Variants in ZDBF2 observed in about 807,000 individuals in gnomAD.
ZDBF2 encodes the protein DBF4-type zinc finger-containing protein 2.
ZDBF2 carries 6 observed loss-of-function variants against 9.4 expected under a neutral mutation model. The observed-to-expected ratio is 0.64, with a 90% CI of 0.35 to 1.27. The LOEUF (loss-of-function observed/expected upper bound fraction) is 1.27. Among genes scored for constraint, ZDBF2 ranks in the 50% most tolerant of loss-of-function variants. The probability of loss-of-function intolerance (pLI) is 0.03; values close to 1 mark genes in which losing one functional copy is unlikely to be tolerated. For synonymous variants in ZDBF2, 905 were observed against 946.3 expected, an observed-to-expected ratio of 0.96 and a Z score of 0.80; for missense variants, 2,697 against 2,766.8, an observed-to-expected ratio of 0.97 and a Z score of 0.57.
chr2:206,282,552 A>T (rs1232301319), intron 3 of ZDBF2, among the ~76,000 whole-genome samples: 1 of 152,154 alleles, frequency 6.6e-6, no homozygotes, highest in African/African-American at 2.4e-5. Flanking sequence ...TCTTTAAGAC[A>T]TTGTAGGCTA....
intron 3 of ZDBF2, among the ~76,000 whole-genome samples, chr2:206,288,854 T>TGGCAACTTAGGTCTCAGG (rs2105913221): frequency 6.6e-6 from 1 of 152,176 alleles, no homozygotes; most frequent in South Asian, 2.1e-4. Context: ...CAGAGCTCAG[T>TGGCAACTTAGGTCTCAGG]GGCAACTTAG....
chr2:206,295,534 T>C (rs539235660), intron 3 of ZDBF2, among the ~76,000 whole-genome samples: 1 of 151,862 alleles, frequency 6.6e-6, no homozygotes, highest in South Asian at 2.1e-4. Context: ...GCCTGGGTAA[T>C]TTTTATTTTT....
chr2:206,291,329 A>G (rs1691886444), intron 3 of ZDBF2, among the ~76,000 whole-genome samples: 1 of 152,142 alleles, frequency 6.6e-6, no homozygotes, highest in Admixed American at 6.5e-5. Flanking sequence ...AATAGAGTTT[A>G]CGCTCCTATG....
chr2:206,303,337 G>A (rs1374677001), intron 4 of ZDBF2, among the ~76,000 whole-genome samples: 1 of 151,592 alleles, frequency 6.6e-6, no homozygotes, highest in Non-Finnish European at 1.5e-5. Context: ...TCTTTAAAAG[G>A]CAGCTTAACT....
At position 206,306,667 on chromosome 2, in the gene ZDBF2, T is replaced by G. The variant is rs766504470; in HGVS notation, c.2139T>G (p.Ser713=). ...CTCTGAGTTCTGATTCTCCGGCTTC[T>G]CTTTATCATTCAGCTCATGATGAGC... The part of the protein sequence containing the change: ...RSSLSSDSPA[S]LYHSAHDEPQ... The change falls in exon 5 of 5, where the codon TCT becomes TCG. Residue 713 remains serine (S), a synonymous_variant. Coordinates refer to ENST00000374423, the MANE Select transcript of ZDBF2 (RefSeq NM_020923.3). 219 of 1,613,742 alleles carry G rather than the reference T, an allele frequency of 1.4e-4. No individual in the cohort carries two copies. The highest frequency in any genetic ancestry group is 1.8e-4 in the Non-Finnish European group (211 of 1,179,816).
chr2:206,300,043 A>G (rs1692419321), intron 4 of ZDBF2, among the ~76,000 whole-genome samples: 1 of 151,974 alleles, frequency 6.6e-6, no homozygotes. Flanking sequence ...CTGGAGGCGG[A>G]GGTTGCGGTG....
intron 2 of ZDBF2, among the ~76,000 whole-genome samples, chr2:206,281,161 G>A (rs564997432): frequency 6.6e-6 from 1 of 152,214 alleles, no homozygotes; most frequent in African/African-American, 2.4e-5. Flanking sequence ...AGTGGAAACT[G>A]GAAAACTATT....
rs1179190038 is a variant in ZDBF2 at position 206,311,207 on chromosome 2, A to C, written c.6679A>C (p.Ile2227Leu). 1 of 1,612,370 alleles carries C rather than the reference A, an allele frequency of 6.2e-7. No individual in the cohort carries two copies. The highest frequency in any genetic ancestry group is 8.5e-7 in the Non-Finnish European group (1 of 1,179,452). ...ACCAAGTGATATCATTAGAAAGTAT[A>C]TTTCGAAATACTCTGTCTTTTTACG... ...TKPSDIIRKY[I>L]SKYSVFLRHR... The change falls in exon 5 of 5, where the codon ATT becomes CTT. Residue 2227 changes from isoleucine to leucine, a missense_variant. Transcript: ENST00000374423.
At chr2:206,289,042 T>G (rs375086886) in intron 3 of ZDBF2, among the ~76,000 whole-genome samples, 52 of 152,260 alleles carry the variant, frequency 3.4e-4, no homozygotes, top group African/African-American at 1.2e-3. Flanking sequence ...GGGTCTAGTC[T>G]GGTCTAGGAA....
At chr2:206,297,441 C>T (rs1007785581) in intron 4 of ZDBF2, 68 bp downstream of exon 4, 2 of 1,345,184 alleles carry the variant, frequency 1.5e-6, no homozygotes, top group African/African-American at 1.5e-5. Context: ...GTGTTCATGT[C>T]CCAATCAATA....
At chr2:206,293,307 A>G (rs1691994279) in intron 3 of ZDBF2, among the ~76,000 whole-genome samples, 1 of 152,178 alleles carries the variant, frequency 6.6e-6, no homozygotes, top group Non-Finnish European at 1.5e-5. Context: ...AAAATCAGTT[A>G]GAAGTAGACT....
At chr2:206,293,769 A>G (rs1240964359) in intron 3 of ZDBF2, among the ~76,000 whole-genome samples, 1 of 152,210 alleles carries the variant, frequency 6.6e-6, no homozygotes, top group Non-Finnish European at 1.5e-5. Context: ...AAGTGTTGAT[A>G]AGGAGATAGG....
At chr2:206,302,118 C>T (rs1161117248) in intron 4 of ZDBF2, among the ~76,000 whole-genome samples, 1 of 152,024 alleles carries the variant, frequency 6.6e-6, no homozygotes, top group African/African-American at 2.4e-5. Context: ...AAGTGATCCT[C>T]CTGCTTCAGC....
Position 206,309,114 on chromosome 2 carries a change from A to T in ZDBF2, c.4586A>T (p.Asp1529Val). 6.2e-7 allele frequency: 1 copy of T among 1,613,902 alleles called. No homozygotes were observed. Among genetic ancestry groups the T allele is most frequent in the South Asian group, 1.1e-5 (1 of 91,058 alleles). Reference sequence around the variant, plus strand: ...CACCTTCCAAAGGTGGTACTTGTGGATCTGGTGCCCGGTGATAGTGATTAT... The same window carrying T: ...CACCTTCCAAAGGTGGTACTTGTGGTTCTGGTGCCCGGTGATAGTGATTAT... The part of the protein sequence containing the change: ...ETHLPKVVLV[D>V]LVPGDSDYEV... Residue 1529 changes from aspartate to valine, a missense_variant, in exon 5 of 5, where the codon GAT (aspartate) becomes GTT (valine). Transcript: ENST00000374423.
At chr2:206,290,909 T>TA (rs1042391669) in intron 3 of ZDBF2, among the ~76,000 whole-genome samples, 2 of 151,830 alleles carry the variant, frequency 1.3e-5, no homozygotes, top group African/African-American at 4.9e-5. Flanking sequence ...TGGATATCCT[T>TA]GGTTTTTTTT....
chr2:206,297,062 A>G (rs1021371843), intron 3 of ZDBF2, among the ~76,000 whole-genome samples, 184 bp from the exon 4 acceptor site: 1 of 152,154 alleles, frequency 6.6e-6, no homozygotes, highest in Admixed American at 6.5e-5. Flanking sequence ...TACTTAGGGA[A>G]ATCTCATTAT....
Position 206,307,715 on chromosome 2 carries a change from GA to G in ZDBF2, c.3192del (p.Lys1064AsnfsTer5). 3 of 1,613,098 alleles carry G rather than the reference GA, an allele frequency of 1.9e-6. No individual in the cohort carries two copies. Among genetic ancestry groups the G allele is most frequent in the Non-Finnish European group, 2.5e-6 (3 of 1,179,666 alleles). On this transcript the variant is annotated frameshift_variant, in exon 5 of 5. Coordinates refer to ENST00000374423, the MANE Select transcript of ZDBF2 (RefSeq NM_020923.3). LOFTEE classifies it low-confidence loss of function (END_TRUNC). The stretch of plus-strand genomic sequence containing the variant: ...CCAACCTCAACTAGCTTTTTTGAAG[GA>G]AAAACATGTTAATCTGAAGGACAAA... ...TDQPQLAFLKEKHVNLKDKNS... is the reference protein window; with the variant it reads ...TDQPQLAFLKXKHVNLKDKNS...
At chr2:206,283,672 CT>C (rs199720344) in intron 3 of ZDBF2, among the ~76,000 whole-genome samples, 1 of 151,088 alleles carries the variant, frequency 6.6e-6, no homozygotes, top group African/African-American at 2.4e-5. Context: ...ATTACTTACT[CT>C]TTTTTTTTGA....
chr2:206,307,971 T>C lies in ZDBF2; in HGVS notation c.3443T>C (p.Leu1148Ser), dbSNP rs1472886278. Residue 1148 changes from leucine to serine, a missense_variant, in exon 5 of 5, where the codon TTG becomes TCG. This residue lies in a region of ZDBF2 where 1,783 missense variants were observed against 1,776.5 expected (regional missense o/e 1.00). Coordinates refer to ENST00000374423, the MANE Select transcript of ZDBF2 (RefSeq NM_020923.3). ...CTTGGGAATGAAAACCATATGTACT[T>C]GGAAGTTAAGAACAGCCAATATAGT... Reference protein sequence around the residue: ...VNLGNENHMYLEVKNSQYSCS... With the variant: ...VNLGNENHMYSEVKNSQYSCS... 6.2e-7 allele frequency: 1 copy of C among 1,613,708 alleles called. No homozygotes were observed. Among genetic ancestry groups the C allele is most frequent in the South Asian group, 1.1e-5 (1 of 91,022 alleles).
Sources: gnomAD v4.1 joint callset for allele counts (sites outside exome capture counted in the v4.1 genomes callset) on GRCh38, gnomAD v4.1.1 for gene constraint, gnomAD v4.1.1 regional missense constraint, MANE v1.5 for transcripts, NCBI Gene and HGNC (gene_info 2026-07-23, HGNC 2026-07-21) for gene names.